LARP1B: variants seen among roughly 807,000 people sequenced by gnomAD.
LARP1B encodes la-related protein 1B.
In LARP1B, 76 loss-of-function variants were observed where a neutral mutation model predicts 114.2. The ratio of observed to expected loss-of-function variants is 0.67; its 90% CI spans 0.55 to 0.81. LARP1B has a LOEUF of 0.81. Among genes scored for constraint, LARP1B ranks in the 30% least tolerant of loss-of-function variants. The pLI, the probability that LARP1B is intolerant of heterozygous loss-of-function variation, is 0.00. For synonymous variants in LARP1B, 345 were observed against 348.0 expected (o/e 0.99, Z 0.10); for missense variants, 1,014 against 1,075.8 (o/e 0.94, Z 0.80).
At chr4:128,156,077 C>T in intron 11 of LARP1B, 5 of 1,597,724 alleles carry the variant, frequency 3.1e-6, no homozygotes, top group Non-Finnish European at 4.3e-6. Context: ...ACTCCTTTCA[C>T]CCCCAGCCTG....
At chr4:128,145,526 A>G (rs897320435) in intron 11 of LARP1B, among the ~76,000 whole-genome samples, 2 of 152,184 alleles carry the variant, frequency 1.3e-5, no homozygotes. Context: ...CCAAGGACAC[A>G]CAGCAGCCTG....
chr4:128,099,241 A>G (rs1779396592), intron 8 of LARP1B, among the ~76,000 whole-genome samples: 1 of 149,948 alleles, frequency 6.7e-6, no homozygotes, highest in Admixed American at 6.6e-5. Flanking sequence ...TTCCCTACAC[A>G]CAACCCTTGG....
chr4:128,086,207 A>G (rs1773485628), intron 5 of LARP1B, among the ~76,000 whole-genome samples: 1 of 151,662 alleles, frequency 6.6e-6, no homozygotes, highest in African/African-American at 2.4e-5. Context: ...GAGTTTCACC[A>G]CATTAGCCAG....
chr4:128,092,446 A>G (rs1262242302), intron 7 of LARP1B, among the ~76,000 whole-genome samples: 1 of 152,192 alleles, frequency 6.6e-6, no homozygotes, highest in Non-Finnish European at 1.5e-5. Context: ...AACCCTATGC[A>G]TATTAGTATT....
intron 15 of LARP1B, among the ~76,000 whole-genome samples, chr4:128,188,351 A>G (rs1751039415): frequency 6.6e-6 from 1 of 152,194 alleles, no homozygotes; most frequent in South Asian, 2.1e-4. Flanking sequence ...CTGGGATTAC[A>G]GGCATGAGCC....
chr4:128,068,898 A>G (rs1764109200), intron 1 of LARP1B: 2 of 453,068 alleles, frequency 4.4e-6, no homozygotes, highest in Non-Finnish European at 7.9e-6. Context: ...TCTTAACTTG[A>G]CAAAGCATTC....
intron 11 of LARP1B, among the ~76,000 whole-genome samples, chr4:128,127,861 T>A (rs1394415036): frequency 6.6e-6 from 1 of 152,104 alleles, no homozygotes; most frequent in African/African-American, 2.4e-5. Context: ...ATTGAAGGAC[T>A]CATATTTTAT....
At chr4:128,141,379 A>G (rs1489423887) in intron 11 of LARP1B, among the ~76,000 whole-genome samples, 2 of 152,212 alleles carry the variant, frequency 1.3e-5, no homozygotes, top group Non-Finnish European at 2.9e-5. Flanking sequence ...TCTACAGAAT[A>G]AGAGAGAAAC....
chr4:128,176,825 A>G, intron 12 of LARP1B, 47 bp from the exon 13 acceptor site: 1 of 1,556,040 alleles, frequency 6.4e-7, no homozygotes, highest in East Asian at 2.2e-5. Context: ...ATAAATGGAT[A>G]AAATGCAGAC....
rs546886192 is a variant in LARP1B, at chr4:128,131,237, G to T, written c.1524+9049G>T. Among the ~76,000 whole-genome samples, 6 of 152,242 alleles carry T rather than the reference G, an allele frequency of 3.9e-5. No homozygotes were observed. The East Asian group carries it at 7.7e-4, about 20-fold the overall frequency. On this transcript the variant is annotated intron_variant, in intron 11 of 19. Coordinates refer to ENST00000326639, the MANE Select transcript of LARP1B (RefSeq NM_018078.4). ...ATAGTGTGGGAGGTTGTATGTGTTT[G>T]GGTGCAGAGGGTCTATGGTATACTC...
chr4:128,107,056 G>A (rs1259835888), intron 8 of LARP1B, 83 bp from the exon 9 acceptor site: 2 of 1,165,950 alleles, frequency 1.7e-6, no homozygotes, highest in African/African-American at 1.5e-5. Flanking sequence ...CTAATTTCAG[G>A]TTTTCAAATT....
Position 128,069,108 on chromosome 4 carries a change from A to G in LARP1B, c.-77-5352A>G, listed in dbSNP as rs1399567261. 2.7e-6 allele frequency: 3 copies of G among 1,095,196 alleles called. No individual in the cohort carries two copies. In the African/African-American group the frequency reaches 4.6e-5, roughly 17 times the overall value. 67.8% of individuals were successfully genotyped at this position (1,095,196 alleles called of 1,614,324 possible). On this transcript the variant is annotated intron_variant, in intron 1 of 19. Coordinates refer to ENST00000326639, the MANE Select transcript of LARP1B (RefSeq NM_018078.4). Reference sequence around the variant, plus strand: ...GTGGTGGCACTTAAGGCCCTTTCCAAGGCTATGGCTCTTTCGGCCTGCAGA... The same window carrying G: ...GTGGTGGCACTTAAGGCCCTTTCCAGGGCTATGGCTCTTTCGGCCTGCAGA...
intron 1 of LARP1B, among the ~76,000 whole-genome samples, chr4:128,071,042 T>C (rs1235539803): frequency 6.6e-6 from 1 of 151,976 alleles, no homozygotes; most frequent in Non-Finnish European, 1.5e-5. Context: ...TTTTAATGTT[T>C]TTATTTTTAT....
At chr4:128,115,984 A>T (rs12648962) in intron 10 of LARP1B, among the ~76,000 whole-genome samples, 88,482 of 152,150 alleles carry the variant, frequency 0.58, 26,686 homozygotes, top group Middle Eastern at 0.8. Flanking sequence ...TTTTGAAGTT[A>T]CACTCATGTT....
intron 4 of LARP1B, among the ~76,000 whole-genome samples, chr4:128,081,379 T>A (rs1227759180): frequency 5.3e-5 from 1 of 18,906 alleles, no homozygotes; most frequent in Non-Finnish European, 1.3e-4. Context: ...GCGCCCGGCC[T>A]TTTTTTTTTT....
chr4:128,204,381 G>A lies in LARP1B; in HGVS notation c.2310-2047G>A, dbSNP rs554747903. On this transcript the variant is annotated intron_variant, in intron 17 of 19. Transcript: ENST00000326639. ...TTAAAATGGCTTAAAGAGGCCAGGCGTGGTGGCTCATGCCTGTAATCCCAG... is the reference window on the plus strand; with the variant it reads ...TTAAAATGGCTTAAAGAGGCCAGGCATGGTGGCTCATGCCTGTAATCCCAG... Among the ~76,000 whole-genome samples the A allele has an allele frequency of 1.6e-4, 24 of 152,206 alleles. No individual in the cohort carries two copies. In the South Asian group the frequency reaches 3.1e-3, roughly 20 times the overall value.
chr4:128,220,835 C>G (rs942461710), intron 7 of LARP1B, among the ~76,000 whole-genome samples: 1 of 152,130 alleles, frequency 6.6e-6, no homozygotes, highest in African/African-American at 2.4e-5. Flanking sequence ...ACCTAAAACA[C>G]GATAAACTTA....
Position 128,147,007 on chromosome 4 carries a change from A to G in LARP1B, c.1525-15187A>G, listed in dbSNP as rs1430965280. On this transcript the variant is annotated intron_variant, in intron 11 of 19. Coordinates refer to ENST00000326639, the MANE Select transcript of LARP1B (RefSeq NM_018078.4). ...CCATTGCAACACATTCTCCTTGATG[A>G]CAGTGTCTATCCCATTGGTTCACTC... is the stretch of plus-strand genomic sequence containing the variant. Among the ~76,000 whole-genome samples, 3 of 152,232 alleles carry G rather than the reference A, an allele frequency of 2.0e-5. No homozygotes were observed. The East Asian group carries it at 5.8e-4, about 29-fold the overall frequency.
intron 17 of LARP1B, among the ~76,000 whole-genome samples, chr4:128,203,562 TG>T (rs1189969580): frequency 2.0e-5 from 3 of 152,002 alleles, no homozygotes; most frequent in Non-Finnish European, 4.4e-5. Context: ...TTAGTAGAAA[TG>T]GGGTTTTACC....
Sources: allele counts gnomAD v4.1 joint callset (sites outside exome capture counted in the v4.1 genomes callset), GRCh38; gene constraint gnomAD v4.1.1; transcripts MANE v1.5; gene names NCBI Gene and HGNC (gene_info 2026-07-23, HGNC 2026-07-21).